Variants in PCSK1 observed in about 807,000 individuals in gnomAD.
The protein encoded by PCSK1 is proprotein convertase subtilisin/kexin type 1, also known as neuroendocrine convertase 1.
PCSK1 carries 56 observed loss-of-function variants against 90.6 expected under a neutral mutation model. The ratio of observed to expected loss-of-function variants is 0.62; its 90% CI spans 0.50 to 0.77. The LOEUF is 0.77. Among genes scored for constraint, PCSK1 ranks in the 30% least tolerant of loss-of-function variants. The pLI is 0.00. For missense variants in PCSK1, 801 were observed against 932.6 expected, an observed-to-expected ratio of 0.86 and a Z score of 1.84; for synonymous variants, 348 against 342.4, an observed-to-expected ratio of 1.02 and a Z score of -0.18.
chr5:96,392,703 C>A lies in PCSK1; in HGVS notation c.*298G>T. The A allele has an allele frequency of 2.7e-6, 1 of 376,402 alleles. No homozygotes were observed. Among genetic ancestry groups the A allele is most frequent in the South Asian group, 4.0e-5 (1 of 25,044 alleles). The allele number at this position is 376,402 out of a possible 1,614,324, so 23.3% of individuals were successfully genotyped here. A position where few individuals can be genotyped will look rare whatever the true frequency, so the allele number is the denominator to read the frequency against. ...TTGAGAATTGAAATGGGCTCTAATG[C>A]AGTGTTCTAATGTAGTGTAAGAGCT... On this transcript the variant is annotated 3_prime_UTR_variant, in exon 14 of 14. Transcript: ENST00000311106.
At chr5:96,413,962 A>C (rs34732976) in intron 6 of PCSK1, among the ~76,000 whole-genome samples, 2 of 132,384 alleles carry the variant, frequency 1.5e-5, no homozygotes, top group Non-Finnish European at 3.1e-5. Context: ...CACTAAAAAT[A>C]CAAAAAAAAA....
chr5:96,392,863 T>C lies in PCSK1; in HGVS notation c.*138A>G. ...GCTCATCCCCTTCACATGTACAGTT[T>C]AGGGAGAAAAAGAAAAGGTGCCACA... On this transcript the variant is annotated 3_prime_UTR_variant, in exon 14 of 14. Coordinates refer to ENST00000311106, the MANE Select transcript of PCSK1 (RefSeq NM_000439.5). 1.2e-6 allele frequency: 1 copy of C among 855,616 alleles called. No individual in the cohort carries two copies. The allele number at this position is 855,616 out of a possible 1,614,324, so 53.0% of individuals were successfully genotyped here.
intron 9 of PCSK1, among the ~76,000 whole-genome samples, chr5:96,402,512 G>A (rs1244553457): frequency 2.0e-5 from 3 of 151,970 alleles, no homozygotes; most frequent in Admixed American, 6.6e-5. Flanking sequence ...CTCCACTCCC[G>A]TACTCTCTTG....
At chr5:96,419,306 G>A (rs1761040005) in intron 5 of PCSK1, among the ~76,000 whole-genome samples, 1 of 144,878 alleles carries the variant, frequency 6.9e-6, no homozygotes, top group Non-Finnish European at 1.5e-5. Context: ...TATATATTAA[G>A]TGAGATATAT....
intron 7 of PCSK1, 50 bp downstream of exon 7, chr5:96,412,268 A>T (rs1334093250): frequency 2.8e-6 from 4 of 1,440,554 alleles, no homozygotes; most frequent in Non-Finnish European, 3.9e-6. Context: ...TTCTCCTCAT[A>T]TCCAGATGGT....
chr5:96,416,068 C>T lies in PCSK1; in HGVS notation c.674G>A (p.Cys225Tyr). The stretch of plus-strand genomic sequence containing the variant: ...GGAATTGTATGCAACTCCAACCCCG[C>T]ATTTGTGATTATTTGCTTGCATGGC... Reference protein sequence around the residue: ...EIAMQANNHKCGVGVAYNSKV... With the variant: ...EIAMQANNHKYGVGVAYNSKV... The change falls in exon 6 of 14, where the codon TGC becomes TAC. Residue 225 changes from cysteine (C) to tyrosine (Y), a missense_variant. Physicochemically the swap from Cys to Tyr is radical, Grantham distance 194. Coordinates refer to ENST00000311106, the MANE Select transcript of PCSK1 (RefSeq NM_000439.5). 1 of 1,613,274 alleles carries T rather than the reference C, an allele frequency of 6.2e-7. No individual in the cohort carries two copies. Among genetic ancestry groups the T allele is most frequent in the Non-Finnish European group, 8.5e-7 (1 of 1,179,246 alleles).
rs1177011715 is a variant in PCSK1, at chr5:96,392,400, T to A, written c.*601A>T. The A allele has an allele frequency of 6.5e-6, 1 of 153,360 alleles. No individual in the cohort carries two copies. The highest frequency in any genetic ancestry group is 2.4e-5 in the African/African-American group (1 of 41,452). The allele number at this position is 153,360 out of a possible 1,614,324, so 9.5% of individuals were successfully genotyped here. A position where few individuals can be genotyped will look rare whatever the true frequency, so the allele number is the denominator to read the frequency against. On this transcript the variant is annotated 3_prime_UTR_variant, in exon 14 of 14. Coordinates refer to ENST00000311106, the MANE Select transcript of PCSK1 (RefSeq NM_000439.5). ...ATTGCTCAAACCAGAGCATTCAGAT[T>A]TCAAGATCTGTTTCTAGATCTAAAT... is the stretch of plus-strand genomic sequence containing the variant.
intron 5 of PCSK1, among the ~76,000 whole-genome samples, chr5:96,418,722 T>A (rs1236206548): frequency 6.6e-6 from 1 of 152,190 alleles, no homozygotes; most frequent in Non-Finnish European, 1.5e-5. Context: ...TCTGACAACA[T>A]GCTAGAAGGC....
intron 4 of PCSK1, 123 bp downstream of exon 4, chr5:96,423,190 C>T (rs1464436765): frequency 4.5e-6 from 4 of 893,664 alleles, no homozygotes; most frequent in Non-Finnish European, 7.3e-6. Context: ...AGGGACATAA[C>T]CTTGGCCCAT....
At position 96,410,819 on chromosome 5, in the gene PCSK1, T is replaced by A; in HGVS notation, c.1050A>T (p.Thr350=). Reference sequence around the variant, plus strand: ...CTCCGCTGCTGTAAGAGGTGGCCAGTGTGGAGGAGCACTTCTCAGCGTACC... The same window carrying A: ...CTCCGCTGCTGTAAGAGGTGGCCAGAGTGGAGGAGCACTTCTCAGCGTACC... The part of the protein sequence containing the change: ...SPWYAEKCSS[T]LATSYSSGDY... Residue 350 remains threonine (T), a synonymous_variant, in exon 8 of 14, where the codon ACA becomes ACT. Transcript: ENST00000311106. 6.2e-7 allele frequency: 1 copy of A among 1,614,110 alleles called. No individual in the cohort carries two copies. Among genetic ancestry groups the A allele is most frequent in the Non-Finnish European group, 8.5e-7 (1 of 1,179,986 alleles).
chr5:96,393,398 C>T lies in PCSK1; in HGVS notation c.1885-20G>A, dbSNP rs1157525594. On this transcript the variant is annotated intron_variant, in intron 13 of 13. Coordinates refer to ENST00000311106, the MANE Select transcript of PCSK1 (RefSeq NM_000439.5). ...CTGCTCCTAAAACATAGAATGCCAT[C>T]CACAAAGGGAAGAAGGTTCATTATT... 1 of 1,613,088 alleles carries T rather than the reference C, an allele frequency of 6.2e-7. No individual in the cohort carries two copies. Among genetic ancestry groups the T allele is most frequent in the Admixed American group, 1.7e-5 (1 of 60,006 alleles).
At chr5:96,412,035 G>A (rs6897033) in intron 7 of PCSK1, among the ~76,000 whole-genome samples, 2,410 of 152,202 alleles carry the variant, frequency 0.016, 68 homozygotes, top group African/African-American at 0.054. Flanking sequence ...TAATTTTTGT[G>A]TTTTTAGTAG....
chr5:96,424,152 A>G (rs1339538666), intron 3 of PCSK1, among the ~76,000 whole-genome samples: 3 of 152,226 alleles, frequency 2.0e-5, no homozygotes, highest in African/African-American at 7.2e-5. Flanking sequence ...AGACAGAGAC[A>G]GTAAAAGAAT....
chr5:96,396,856 A>G (rs1406309371), intron 12 of PCSK1, among the ~76,000 whole-genome samples: 3 of 152,346 alleles, frequency 2.0e-5, no homozygotes, highest in South Asian at 4.1e-4. Flanking sequence ...TTCATGACTA[A>G]AACTGTTTAA....
At chr5:96,424,490 C>G (rs1443294318) in intron 3 of PCSK1, among the ~76,000 whole-genome samples, 1 of 152,142 alleles carries the variant, frequency 6.6e-6, no homozygotes, top group African/African-American at 2.4e-5. Flanking sequence ...ATTCTACTTT[C>G]CAATATCTCT....
intron 5 of PCSK1, among the ~76,000 whole-genome samples, chr5:96,417,733 T>C (rs1372552180): frequency 6.6e-6 from 1 of 152,210 alleles, no homozygotes; most frequent in African/African-American, 2.4e-5. Flanking sequence ...TACTTAATCT[T>C]TGAGTTAGGA....
intron 9 of PCSK1, 41 bp downstream of exon 9, chr5:96,408,182 T>C: frequency 7.3e-7 from 1 of 1,377,242 alleles, no homozygotes; most frequent in Non-Finnish European, 1.0e-6. Context: ...ATAAGGAGAA[T>C]CAGCCTTTGT....
At chr5:96,399,776 G>T (rs545702440) in intron 10 of PCSK1, among the ~76,000 whole-genome samples, 177 bp downstream of exon 10, 106 of 152,236 alleles carry the variant, frequency 7.0e-4, no homozygotes, top group African/African-American at 2.4e-3. Context: ...GGTTAACATG[G>T]TTTCTAGAGC....
At chr5:96,424,401 G>C (rs920332834) in intron 3 of PCSK1, among the ~76,000 whole-genome samples, 1 of 152,178 alleles carries the variant, frequency 6.6e-6, no homozygotes, top group African/African-American at 2.4e-5. Context: ...AACAATTTTA[G>C]ACTGTAGTTG....
Sources: gnomAD v4.1 joint callset for allele counts (sites outside exome capture counted in the v4.1 genomes callset) on GRCh38, gnomAD v4.1.1 for gene constraint, MANE v1.5 for transcripts, NCBI Gene and HGNC (gene_info 2026-07-23, HGNC 2026-07-21) for gene names.